SORCS1: variants seen among roughly 807,000 people sequenced by gnomAD.
The protein encoded by SORCS1 is VPS10 domain-containing receptor SorCS1.
Under a neutral mutation model 146.1 loss-of-function variants are expected in SORCS1, and 60 were observed. The ratio of observed to expected loss-of-function variants is 0.41; its 90% confidence interval spans 0.33 to 0.51. The LOEUF (loss-of-function observed/expected upper bound fraction) is 0.51, where lower values mean the gene tolerates loss of function less well. Ranked by LOEUF, SORCS1 falls within the 20% of genes least tolerant of loss-of-function variation. The pLI is 0.21. For synonymous variants in SORCS1, 637 were observed against 584.0 expected (o/e 1.09, Z -1.31); for missense variants, 1,352 against 1,487.6 (o/e 0.91, Z 1.50).
At chr10:107,168,757 C>T (rs192566778), upstream of SORCS1, among the ~76,000 whole-genome samples, 7 of 148,998 alleles carry the variant, frequency 4.7e-5, 1 homozygote, top group Admixed American at 1.4e-4. Context: ...TAACTAGGGT[C>T]ACACAGCAAT....
the SORCS1 span, among the ~76,000 whole-genome samples, chr10:107,178,303 T>C: frequency 2.0e-5 from 3 of 152,108 alleles, no homozygotes; most frequent in Non-Finnish European, 4.4e-5. Context: ...TCACCCTTCC[T>C]AGCCTCTGAT....
chr10:107,084,103 T>G (rs1222757961), intron 1 of SORCS1, among the ~76,000 whole-genome samples: 3 of 148,166 alleles, frequency 2.0e-5, no homozygotes, highest in Non-Finnish European at 4.5e-5. Flanking sequence ...TTTTTTTTTT[T>G]TTTTTTTTTT....
At chr10:107,168,335 T>C (rs1209076915), upstream of SORCS1, among the ~76,000 whole-genome samples, 1 of 152,262 alleles carries the variant, frequency 6.6e-6, no homozygotes, top group Non-Finnish European at 1.5e-5. Context: ...ACATTTTCTG[T>C]ATCAATCTCT....
At chr10:107,164,886 T>G (rs1399064765), upstream of SORCS1, among the ~76,000 whole-genome samples, 3 of 144,274 alleles carry the variant, frequency 2.1e-5, no homozygotes, top group African/African-American at 5.0e-5. The surrounding 1 kb of genome is among the most constrained non-coding windows in gnomAD (Gnocchi z 6.8). Flanking sequence ...CTCCGGGCGC[T>G]GGAGGCGCCG....
rs185107916 is a variant in SORCS1, at chr10:106,971,516, T to G, written c.559-14936A>C. Among the ~76,000 whole-genome samples the G allele has an allele frequency of 2.0e-5, 3 of 152,342 alleles. No individual in the cohort carries two copies. The East Asian group carries it at 5.8e-4, about 29-fold the overall frequency. ...TACCAGCATTGCCATTTTATCAAATTCCAATTTTAGGAATGACATTCCAAA... is the reference window on the plus strand; with the variant it reads ...TACCAGCATTGCCATTTTATCAAATGCCAATTTTAGGAATGACATTCCAAA... On this transcript the variant is annotated intron_variant, in intron 1 of 25. Coordinates refer to ENST00000263054, the MANE Select transcript of SORCS1 (RefSeq NM_052918.5).
chr10:106,878,483 C>A (rs1178958533), intron 2 of SORCS1, among the ~76,000 whole-genome samples: 2 of 151,218 alleles, frequency 1.3e-5, no homozygotes, highest in Admixed American at 6.6e-5. Flanking sequence ...GCTGCCTTGC[C>A]CCTTTCTGCC....
intron 24 of SORCS1, among the ~76,000 whole-genome samples, chr10:106,589,884 C>T (rs187503052): frequency 8.0e-6 from 1 of 124,416 alleles, no homozygotes; most frequent in Non-Finnish European, 1.6e-5. Flanking sequence ...ATCCTTCTAG[C>T]AGCCTTTTTT....
At chr10:106,781,413 T>C (rs745407382) in intron 3 of SORCS1, among the ~76,000 whole-genome samples, 4 of 152,224 alleles carry the variant, frequency 2.6e-5, no homozygotes, top group Non-Finnish European at 5.9e-5. Context: ...AATGGGCTGC[T>C]GTGTGGATAT....
intron 2 of SORCS1, among the ~76,000 whole-genome samples, chr10:106,832,852 T>C (rs554224859): frequency 3.3e-5 from 5 of 152,254 alleles, no homozygotes; most frequent in African/African-American, 1.2e-4. Context: ...AACTAGTCTA[T>C]AGAGAGTGTG....
chr10:106,786,336 T>C (rs1029040317), intron 3 of SORCS1, among the ~76,000 whole-genome samples: 1 of 152,232 alleles, frequency 6.6e-6, no homozygotes, highest in Admixed American at 6.5e-5. Flanking sequence ...ACTTCCAAGA[T>C]GGCTCCTTCA....
chr10:107,044,755 T>C (rs1959221914), intron 1 of SORCS1, among the ~76,000 whole-genome samples: 1 of 141,912 alleles, frequency 7.0e-6, no homozygotes, highest in African/African-American at 2.7e-5. Flanking sequence ...TAGGTTGCAG[T>C]GAGCCAAGAT....
intron 1 of SORCS1, among the ~76,000 whole-genome samples, chr10:107,071,965 A>C (rs1487314479): frequency 6.6e-6 from 1 of 152,246 alleles, no homozygotes; most frequent in African/African-American, 2.4e-5. Context: ...CCAATGAGGT[A>C]AAACTCTGAA....
chr10:107,163,950 T>A lies in SORCS1; in HGVS notation c.558+19A>T. ...TTTCCATCTTTCCACCCCTTTACCC[T>A]CAGTCCCATTCTACTCACGCTGCTG... On this transcript the variant is annotated intron_variant, in intron 1 of 25. Coordinates refer to ENST00000263054, the MANE Select transcript of SORCS1 (RefSeq NM_052918.5). The A allele has an allele frequency of 1.2e-6, 2 of 1,603,274 alleles. No individual in the cohort carries two copies. The highest frequency in any genetic ancestry group is 8.5e-7 in the Non-Finnish European group (1 of 1,172,616).
At chr10:107,063,293 G>A (rs553799667) in intron 1 of SORCS1, among the ~76,000 whole-genome samples, 3 of 152,226 alleles carry the variant, frequency 2.0e-5, no homozygotes, top group Non-Finnish European at 2.9e-5. Context: ...TCTAAAATAG[G>A]TAGTCATTTT....
chr10:106,892,333 G>C (rs1462984683), intron 2 of SORCS1, among the ~76,000 whole-genome samples: 1 of 152,176 alleles, frequency 6.6e-6, no homozygotes, highest in African/African-American at 2.4e-5. Flanking sequence ...GTTTGACTTA[G>C]TTTAAACAGA....
At chr10:106,864,605 G>C (rs1030080040) in intron 2 of SORCS1, among the ~76,000 whole-genome samples, 2 of 152,080 alleles carry the variant, frequency 1.3e-5, no homozygotes, top group East Asian at 3.9e-4. Flanking sequence ...TGAATCCAGG[G>C]GAATGAGTAG....
chr10:106,989,271 G>GAAAA (rs1161174866), intron 1 of SORCS1, among the ~76,000 whole-genome samples: 2 of 75,672 alleles, frequency 2.6e-5, no homozygotes, highest in African/African-American at 6.4e-5. Context: ...CTCCACCTCA[G>GAAAA]AAAAAAAAAA....
intron 2 of SORCS1, among the ~76,000 whole-genome samples, chr10:106,930,503 C>T (rs551996134): frequency 2.6e-5 from 4 of 152,230 alleles, no homozygotes; most frequent in Admixed American, 6.5e-5. Flanking sequence ...CTGGGATACA[C>T]GGAAGCTGGC....
At chr10:106,924,750 A>T (rs11193108) in intron 2 of SORCS1, among the ~76,000 whole-genome samples, 2 of 143,412 alleles carry the variant, frequency 1.4e-5, no homozygotes. Context: ...CAATTTTTAC[A>T]TTTAACTGCA....
Sources: allele counts gnomAD v4.1 joint callset (sites outside exome capture counted in the v4.1 genomes callset), GRCh38; gene constraint gnomAD v4.1.1; non-coding constraint Gnocchi (gnomAD v3.1); transcripts MANE v1.5; gene names NCBI Gene and HGNC (gene_info 2026-07-23, HGNC 2026-07-21).